The following UNC13C variants were observed in gnomAD, a reference collection of about 807,000 sequenced individuals.
UNC13C encodes protein unc-13 homolog C.
A neutral mutation model predicts 245.4 loss-of-function variants in UNC13C; 174 were observed. That is an observed-to-expected ratio of 0.71 (90% CI 0.63 to 0.80). The LOEUF (loss-of-function observed/expected upper bound fraction) is 0.80, where lower values mean the gene tolerates loss of function less well. Among genes scored for constraint, UNC13C ranks in the 30% least tolerant of loss-of-function variants. UNC13C has a pLI of 0.00. For synonymous variants in UNC13C, 992 were observed against 895.1 expected (o/e 1.11, Z -1.93); for missense variants, 2,829 against 2,602.9 (o/e 1.09, Z -1.89).
intron 17 of UNC13C, among the ~76,000 whole-genome samples, chr15:54,339,294 G>A (rs2038669337): frequency 6.6e-6 from 1 of 152,082 alleles, no homozygotes; most frequent in Non-Finnish European, 1.5e-5. Context: ...ATAGGTTTTT[G>A]GGGAACAAGT....
chr15:54,624,026 T>C, intron 32 of UNC13C, 72 bp downstream of exon 32: 2 of 1,581,614 alleles, frequency 1.3e-6, no homozygotes, highest in East Asian at 2.2e-5. Flanking sequence ...CTGAGGGATT[T>C]GGAGTGTGAA....
chr15:54,448,765 C>A (rs1239233773), intron 19 of UNC13C, among the ~76,000 whole-genome samples: 1 of 152,116 alleles, frequency 6.6e-6, no homozygotes, highest in Admixed American at 6.6e-5. Flanking sequence ...GAGCATTTAG[C>A]CCATTTACAT....
At chr15:53,950,081 A>C in the UNC13C span, among the ~76,000 whole-genome samples, 1 of 152,214 alleles carries the variant, frequency 6.6e-6, no homozygotes, top group Admixed American at 6.5e-5. Context: ...ATAAAAGTAC[A>C]TGTTGGGGGA....
intron 19 of UNC13C, among the ~76,000 whole-genome samples, chr15:54,447,847 T>C (rs1221912262): frequency 6.6e-6 from 1 of 152,208 alleles, no homozygotes; most frequent in Non-Finnish European, 1.5e-5. Context: ...GCTTTTCTAG[T>C]TCTTTTAATT....
chr15:54,229,296 A>G (rs1567117481), intron 4 of UNC13C, among the ~76,000 whole-genome samples: 1 of 152,132 alleles, frequency 6.6e-6, no homozygotes, highest in South Asian at 2.1e-4. Flanking sequence ...TCTTTTAGTG[A>G]TATGAAGTTA....
At chr15:54,041,434 TA>T (rs1896802952) in intron 2 of UNC13C, among the ~76,000 whole-genome samples, 1 of 152,180 alleles carries the variant, frequency 6.6e-6, no homozygotes, top group Non-Finnish European at 1.5e-5. Flanking sequence ...GTCAAAATAT[TA>T]AAGACTAAAA....
rs747160613 is a variant in UNC13C, at chr15:54,500,885, C to T, written c.5208C>T (p.Val1736=). Residue 1736 remains valine (V), a synonymous_variant, in exon 22 of 33, where the codon GTC becomes GTT. Transcript: ENST00000260323. ...HALFSCSVVD[V]FAQLNQSFEI... ...TCTTTTCTTGCTCCGTGGTTGATGT[C>T]TTTGCTCAGCTGAATCAGAGCTTTG... 1.9e-5 allele frequency: 30 copies of T among 1,612,888 alleles called. No individual in the cohort carries two copies. Among genetic ancestry groups the T allele is most frequent in the Middle Eastern group, 1.6e-4 (1 of 6,078 alleles).
chr15:53,896,395 A>G, the UNC13C span, among the ~76,000 whole-genome samples: 4 of 152,106 alleles, frequency 2.6e-5, no homozygotes, highest in African/African-American at 9.7e-5. Flanking sequence ...TTCTGGTTCA[A>G]TTTAGTCAAT....
intron 26 of UNC13C, among the ~76,000 whole-genome samples, chr15:54,533,802 T>C (rs1895866027): frequency 6.6e-6 from 1 of 152,124 alleles, no homozygotes; most frequent in Admixed American, 6.5e-5. Flanking sequence ...CACCTACAAT[T>C]TGTAATGTGT....
chr15:54,325,029 ATTC>A (rs1348112994), intron 14 of UNC13C, among the ~76,000 whole-genome samples: 2 of 151,960 alleles, frequency 1.3e-5, no homozygotes, highest in Non-Finnish European at 2.9e-5. Context: ...GCCCAAGACA[ATTC>A]TTCTTTTTCT....
chr15:54,522,574 G>A (rs938245158), intron 24 of UNC13C, among the ~76,000 whole-genome samples: 1 of 152,104 alleles, frequency 6.6e-6, no homozygotes, highest in African/African-American at 2.4e-5. Context: ...CAGCTCAATG[G>A]TATAAAATAC....
chr15:54,497,383 C>T (rs1391347989), intron 20 of UNC13C, among the ~76,000 whole-genome samples: 1 of 152,118 alleles, frequency 6.6e-6, no homozygotes, highest in Non-Finnish European at 1.5e-5. Context: ...TCAGAGTTTA[C>T]AGCTGTCTCC....
At chr15:53,866,203 T>C in the UNC13C span, among the ~76,000 whole-genome samples, 2 of 152,200 alleles carry the variant, frequency 1.3e-5, no homozygotes, top group African/African-American at 4.8e-5. Flanking sequence ...CTTAGAAATA[T>C]GTGGCAGTGA....
chr15:53,944,246 CT>C, the UNC13C span, among the ~76,000 whole-genome samples: 148 of 151,988 alleles, frequency 9.7e-4, 1 homozygote, highest in Middle Eastern at 0.024. Context: ...TAATTTGGCT[CT>C]TTTTTTATTT....
At chr15:54,601,570 A>G (rs1899427879) in intron 30 of UNC13C, among the ~76,000 whole-genome samples, 1 of 152,192 alleles carries the variant, frequency 6.6e-6, no homozygotes, top group Non-Finnish European at 1.5e-5. Flanking sequence ...ATAGGCTAAT[A>G]AAAATTAACT....
chr15:54,420,237 G>A (rs986991658), intron 19 of UNC13C, among the ~76,000 whole-genome samples: 3 of 151,846 alleles, frequency 2.0e-5, no homozygotes, highest in African/African-American at 7.3e-5. Flanking sequence ...AGAACTGATG[G>A]GCTGGGGGAT....
chr15:53,985,718 C>A (rs565040715), intron 1 of UNC13C, among the ~76,000 whole-genome samples: 11 of 152,108 alleles, frequency 7.2e-5, no homozygotes, highest in African/African-American at 2.6e-4. Context: ...AGCTGCCTAC[C>A]TGATGTCATA....
chr15:53,964,649 A>T, the UNC13C span, among the ~76,000 whole-genome samples: 1 of 152,310 alleles, frequency 6.6e-6, no homozygotes, highest in East Asian at 1.9e-4. Context: ...TCTAAATAAA[A>T]CAGGCCTTAG....
Position 54,264,399 on chromosome 15 carries a change from A to G in UNC13C, c.3676+4A>G. The G allele has an allele frequency of 6.4e-7, 1 of 1,565,858 alleles. No individual in the cohort carries two copies. Among genetic ancestry groups the G allele is most frequent in the South Asian group, 1.2e-5 (1 of 84,834 alleles). On this transcript the variant is annotated splice_donor_region_variant and intron_variant, in intron 9 of 32. Coordinates refer to ENST00000260323, the MANE Select transcript of UNC13C (RefSeq NM_001080534.3). ...TCTGCAAAAATAACCATTACAGGTA[A>G]AAATAAGTCTTCTTAAAAATTTGTA...
Sources: allele counts gnomAD v4.1 joint callset (sites outside exome capture counted in the v4.1 genomes callset), GRCh38; gene constraint gnomAD v4.1.1; transcripts MANE v1.5; gene names NCBI Gene and HGNC (gene_info 2026-07-23, HGNC 2026-07-21).